Variants in NCOA2 observed in about 807,000 individuals in gnomAD.
NCOA2 encodes class E basic helix-loop-helix protein 75.
In NCOA2, 21 loss-of-function variants were observed where a neutral mutation model predicts 145.1. That is an observed-to-expected ratio of 0.14 (90% CI 0.10 to 0.21). The LOEUF is 0.21. Ranked by LOEUF, NCOA2 falls within the 10% of genes least tolerant of loss-of-function variation. NCOA2 has a pLI of 1.00. For synonymous variants in NCOA2, 619 were observed against 637.5 expected, an observed-to-expected ratio of 0.97 and a Z score of 0.44; for missense variants, 1,472 against 1,837.6, an observed-to-expected ratio of 0.80 and a Z score of 3.64.
chr8:70,347,047 T>C (rs1319850390), intron 1 of NCOA2, among the ~76,000 whole-genome samples: 1 of 152,258 alleles, frequency 6.6e-6, no homozygotes, highest in African/African-American at 2.4e-5. Flanking sequence ...ATCTCTTCTC[T>C]TTTAATCATC....
At chr8:70,162,333 C>T (rs2979634) in intron 9 of NCOA2, among the ~76,000 whole-genome samples, 1 of 152,186 alleles carries the variant, frequency 6.6e-6, no homozygotes, top group Admixed American at 6.5e-5. Context: ...CCCACTGTTA[C>T]CTTCACCAGG....
intron 2 of NCOA2, among the ~76,000 whole-genome samples, chr8:70,296,210 G>A (rs1032123193): frequency 5.9e-5 from 9 of 152,148 alleles, no homozygotes; most frequent in African/African-American, 2.2e-4. Flanking sequence ...CATAAATATT[G>A]TGATAAAAAT....
chr8:70,437,546 C>A, the NCOA2 span, among the ~76,000 whole-genome samples: 12 of 152,292 alleles, frequency 7.9e-5, no homozygotes, highest in African/African-American at 2.6e-4. Flanking sequence ...TGTTCAGACA[C>A]AATGATGACA....
the NCOA2 span, among the ~76,000 whole-genome samples, chr8:70,445,719 C>T: frequency 6.6e-6 from 1 of 152,172 alleles, no homozygotes; most frequent in African/African-American, 2.4e-5. Flanking sequence ...GTTCTGCAGC[C>T]TGGGGCTTCC....
intron 1 of NCOA2, among the ~76,000 whole-genome samples, chr8:70,363,382 C>CAA (rs113316710): frequency 1.7e-4 from 22 of 125,940 alleles, no homozygotes; most frequent in Middle Eastern, 4.1e-3. Flanking sequence ...GACACCATCT[C>CAA]AAAAAAAAAA....
At chr8:70,169,650 C>G (rs1352873972) in intron 6 of NCOA2, among the ~76,000 whole-genome samples, 1 of 152,110 alleles carries the variant, frequency 6.6e-6, no homozygotes, top group Non-Finnish European at 1.5e-5. Context: ...GACAGATGCT[C>G]AAGGGGATAA....
Position 70,327,600 on chromosome 8 carries a change from A to G in NCOA2, c.-76-30800T>C, listed in dbSNP as rs533965644. On this transcript the variant is annotated intron_variant, in intron 1 of 22. Transcript: ENST00000452400. ...TAGTTAAAAGTCAACCAGTTAAAGT[A>G]CAAGTACAATCTCACTATATGACCA... Among the ~76,000 whole-genome samples, 9 of 152,356 alleles carry G rather than the reference A, an allele frequency of 5.9e-5. 1 individual carries two copies. Among genetic ancestry groups the G allele is most frequent in the African/African-American group, 2.2e-4 (9 of 41,578 alleles).
At chr8:70,284,407 C>T (rs537409886) in intron 2 of NCOA2, among the ~76,000 whole-genome samples, 143 of 152,288 alleles carry the variant, frequency 9.4e-4, no homozygotes, top group African/African-American at 3.1e-3. Flanking sequence ...AGTAGAAATA[C>T]TCAGTGATTT....
chr8:70,401,098 CACAT>C lies in NCOA2; in HGVS notation c.-77+2598_-77+2601del, dbSNP rs892257988. ...CCAACAAAGAACAGGAACACACACACACATACACACACACACACGCGCACACACA... is the reference window on the plus strand; with the variant it reads ...CCAACAAAGAACAGGAACACACACACACACACACACACACGCGCACACACA... On this transcript the variant is annotated intron_variant, in intron 1 of 22. Coordinates refer to ENST00000452400, the MANE Select transcript of NCOA2 (RefSeq NM_006540.4). Among the ~76,000 whole-genome samples the C allele has an allele frequency of 6.6e-5, 10 of 151,152 alleles. No homozygotes were observed. In the East Asian group the frequency reaches 9.7e-4, roughly 15 times the overall value.
At chr8:70,166,383 A>T (rs1813621055) in intron 7 of NCOA2, among the ~76,000 whole-genome samples, 183 bp downstream of exon 7, 1 of 152,368 alleles carries the variant, frequency 6.6e-6, no homozygotes, top group South Asian at 2.1e-4. Context: ...ACCATTGCAG[A>T]TAATTCTGTT....
intron 1 of NCOA2, among the ~76,000 whole-genome samples, chr8:70,336,266 T>A (rs1322510860): frequency 6.6e-6 from 1 of 152,198 alleles, no homozygotes. Flanking sequence ...TATAATCTTA[T>A]GGGACCACTG....
intron 1 of NCOA2, among the ~76,000 whole-genome samples, chr8:70,345,673 A>AT (rs1018271477): frequency 2.6e-5 from 4 of 152,146 alleles, no homozygotes; most frequent in Non-Finnish European, 2.9e-5. Flanking sequence ...CAAATCACAG[A>AT]TTTTTTTTAA....
intron 5 of NCOA2, 98 bp downstream of exon 5, chr8:70,174,658 T>A: frequency 8.8e-7 from 1 of 1,133,620 alleles, no homozygotes; most frequent in Non-Finnish European, 1.3e-6. Context: ...CTAGTACTAG[T>A]GTGGATTCTC....
At chr8:70,329,922 G>A (rs558530741) in intron 1 of NCOA2, among the ~76,000 whole-genome samples, 81 of 152,240 alleles carry the variant, frequency 5.3e-4, no homozygotes, top group African/African-American at 1.9e-3. Context: ...CACCACAGCG[G>A]TTATCTCTGG....
At chr8:70,379,592 A>G (rs1812001762) in intron 1 of NCOA2, among the ~76,000 whole-genome samples, 1 of 152,176 alleles carries the variant, frequency 6.6e-6, no homozygotes, top group Non-Finnish European at 1.5e-5. Context: ...TTTATCAAAG[A>G]CAGTATCTGG....
At chr8:70,377,059 G>A (rs947129916) in intron 1 of NCOA2, among the ~76,000 whole-genome samples, 6 of 110,292 alleles carry the variant, frequency 5.4e-5, no homozygotes, top group South Asian at 6.5e-4. Flanking sequence ...GTGCTTATAC[G>A]TTGTGTTTTT....
intron 1 of NCOA2, among the ~76,000 whole-genome samples, chr8:70,377,408 T>C (rs544545149): frequency 1.3e-5 from 2 of 152,156 alleles, no homozygotes; most frequent in Non-Finnish European, 2.9e-5. Context: ...TAAATAAAAA[T>C]TTAGTATTTA....
At chr8:70,301,782 G>C (rs1478660779) in intron 1 of NCOA2, among the ~76,000 whole-genome samples, 4 of 150,188 alleles carry the variant, frequency 2.7e-5, no homozygotes, top group Non-Finnish European at 5.9e-5. Flanking sequence ...CTAAACAAAA[G>C]GGCAGCCCAA....
the NCOA2 span, among the ~76,000 whole-genome samples, chr8:70,425,248 C>G: frequency 6.6e-6 from 1 of 152,204 alleles, no homozygotes; most frequent in African/African-American, 2.4e-5. Flanking sequence ...ACTCTGGGCT[C>G]TCAGTACCTG....
Sources: gnomAD v4.1 joint callset for allele counts (sites outside exome capture counted in the v4.1 genomes callset) on GRCh38, gnomAD v4.1.1 for gene constraint, MANE v1.5 for transcripts, NCBI Gene and HGNC (gene_info 2026-07-23, HGNC 2026-07-21) for gene names.